PDLIM5: variants seen among roughly 807,000 people sequenced by gnomAD.
PDLIM5 encodes PDZ and LIM domain protein 5.
PDLIM5 carries 34 observed loss-of-function variants against 64.2 expected under a neutral mutation model. The observed-to-expected ratio is 0.53, with a 90% confidence interval of 0.40 to 0.71. The LOEUF is 0.71. PDLIM5 is among the 30% of genes least tolerant of loss of function. The pLI is 0.00. For missense variants in PDLIM5, 683 were observed against 733.6 expected, an observed-to-expected ratio of 0.93 and a Z score of 0.80; for synonymous variants, 253 against 269.1, an observed-to-expected ratio of 0.94 and a Z score of 0.59.
intron 8 of PDLIM5, among the ~76,000 whole-genome samples, chr4:94,622,281 TTTAAA>T (rs1264273418): frequency 9.9e-5 from 15 of 152,200 alleles, no homozygotes; most frequent in Admixed American, 9.8e-4. Context: ...TGCGTTCCTG[TTTAAA>T]TTATGGATAG....
Position 94,648,281 on chromosome 4 carries a change from G to T in PDLIM5, c.1284-6179G>T, listed in dbSNP as rs142852393. ...AAACTACCAAGAAAAAAAAAAAGAAGACTCAAATTACTAAAAATGACACTA... is the reference window on the plus strand; with the variant it reads ...AAACTACCAAGAAAAAAAAAAAGAATACTCAAATTACTAAAAATGACACTA... On this transcript the variant is annotated intron_variant, in intron 9 of 12. Transcript: ENST00000317968. Among the ~76,000 whole-genome samples, 742 of 151,750 alleles carry T rather than the reference G, an allele frequency of 4.9e-3. 7 individuals are homozygous for T. Among genetic ancestry groups the T allele is most frequent in the African/African-American group, 0.017 (702 of 41,356 alleles).
chr4:94,612,491 T>C (rs1244862904), intron 7 of PDLIM5, among the ~76,000 whole-genome samples: 1 of 152,270 alleles, frequency 6.6e-6, no homozygotes, highest in African/African-American at 2.4e-5. Context: ...ACCACACTTT[T>C]AGGACCCGGT....
At chr4:94,653,578 G>C (rs761647817) in intron 9 of PDLIM5, among the ~76,000 whole-genome samples, 5 of 151,976 alleles carry the variant, frequency 3.3e-5, no homozygotes, top group Non-Finnish European at 5.9e-5. Context: ...TTGTTACCTT[G>C]ATACAAATGT....
chr4:94,586,543 C>A, intron 7 of PDLIM5, 99 bp downstream of exon 7: 1 of 691,586 alleles, frequency 1.4e-6, no homozygotes, highest in Non-Finnish European at 2.5e-6. Context: ...GGCATTTCGT[C>A]TTTGCAGCTA....
chr4:94,586,521 G>A (rs1736217334), intron 7 of PDLIM5, 77 bp downstream of exon 7: 1 of 824,268 alleles, frequency 1.2e-6, no homozygotes, highest in Non-Finnish European at 2.0e-6. Flanking sequence ...AAATTGTCAA[G>A]TATAATGGTA....
At chr4:94,612,897 A>AT (rs1204315387) in intron 7 of PDLIM5, among the ~76,000 whole-genome samples, 3 of 150,914 alleles carry the variant, frequency 2.0e-5, no homozygotes, top group Non-Finnish European at 4.4e-5. Flanking sequence ...GTTTTTATTT[A>AT]TTTTTTTCCA....
chr4:94,589,831 A>G (rs1349229460), intron 7 of PDLIM5, among the ~76,000 whole-genome samples: 1 of 150,138 alleles, frequency 6.7e-6, no homozygotes, highest in Non-Finnish European at 1.5e-5. Flanking sequence ...CTGGAGTGCG[A>G]TGGTGCGGTA....
Position 94,664,078 on chromosome 4 carries a change from T to C in PDLIM5, c.*11T>C, listed in dbSNP as rs1479398151. On this transcript the variant is annotated 3_prime_UTR_variant, in exon 13 of 13. Coordinates refer to ENST00000317968, the MANE Select transcript of PDLIM5 (RefSeq NM_006457.5). ...TCTGTGAATTTTTGAAAGTCAACAG[T>C]TCAGGAGAAGAGAAGGAATTTGAAG... 1 of 1,566,894 alleles carries C rather than the reference T, an allele frequency of 6.4e-7. No homozygotes were observed. The highest frequency in any genetic ancestry group is 8.7e-7 in the Non-Finnish European group (1 of 1,150,348).
chr4:94,502,106 C>T (rs1727981936), intron 2 of PDLIM5, among the ~76,000 whole-genome samples: 1 of 151,692 alleles, frequency 6.6e-6, no homozygotes, highest in Non-Finnish European at 1.5e-5. Flanking sequence ...TTTCTCTCTT[C>T]CTTTTTGGTC....
intron 3 of PDLIM5, among the ~76,000 whole-genome samples, chr4:94,558,803 A>G (rs1236796582): frequency 6.6e-6 from 1 of 151,700 alleles, no homozygotes. Context: ...AACTGTCATG[A>G]TCTCTTTTGT....
chr4:94,573,928 T>C (rs1169326780), intron 4 of PDLIM5, among the ~76,000 whole-genome samples: 2 of 152,190 alleles, frequency 1.3e-5, no homozygotes, highest in Non-Finnish European at 2.9e-5. Context: ...AACTACTTAT[T>C]ATACAGATTG....
intron 10 of PDLIM5, 76 bp from the exon 11 acceptor site, chr4:94,657,351 G>A (rs1016929975): frequency 1.1e-4 from 120 of 1,063,956 alleles, no homozygotes; most frequent in Non-Finnish European, 1.6e-4. Flanking sequence ...GGATTTACTG[G>A]TACAGATATT....
intron 7 of PDLIM5, among the ~76,000 whole-genome samples, chr4:94,598,233 G>A (rs940639637): frequency 2.0e-5 from 3 of 152,104 alleles, no homozygotes; most frequent in African/African-American, 7.2e-5. Flanking sequence ...TATCAAAGGA[G>A]AAGTGGGAAT....
chr4:94,488,865 TA>T (rs963714259), intron 2 of PDLIM5, among the ~76,000 whole-genome samples: 19 of 152,234 alleles, frequency 1.2e-4, no homozygotes, highest in Non-Finnish European at 1.5e-5. Flanking sequence ...CAATCTTTAC[TA>T]AAGCAAATGC....
At chr4:94,506,759 T>C (rs1453320304) in intron 2 of PDLIM5, among the ~76,000 whole-genome samples, 1 of 152,198 alleles carries the variant, frequency 6.6e-6, no homozygotes, top group Non-Finnish European at 1.5e-5. Context: ...AAAGCATTGT[T>C]TCTGCATATG....
chr4:94,476,761 A>C (rs1010764864), intron 2 of PDLIM5, among the ~76,000 whole-genome samples: 3 of 152,098 alleles, frequency 2.0e-5, no homozygotes, highest in Admixed American at 2.0e-4. Context: ...GAGAGTTTGG[A>C]CTCTGGAGCC....
rs1291299453 is a variant in PDLIM5, at chr4:94,666,013, CTT to C, written c.*1948_*1949del. On this transcript the variant is annotated 3_prime_UTR_variant, in exon 13 of 13. Coordinates refer to ENST00000317968, the MANE Select transcript of PDLIM5 (RefSeq NM_006457.5). ...TTCTGGTATTTGATTTGGTTTTTCTCTTTGTTTCCAGAATGGATGAAAGTCCA... is the reference window on the plus strand; with the variant it reads ...TTCTGGTATTTGATTTGGTTTTTCTCTGTTTCCAGAATGGATGAAAGTCCA... 1 of 1,533,816 alleles carries C rather than the reference CTT, an allele frequency of 6.5e-7. No homozygotes were observed. Among genetic ancestry groups the C allele is most frequent in the Non-Finnish European group, 8.7e-7 (1 of 1,145,744 alleles).
At chr4:94,525,449 A>G (rs1250890302) in intron 3 of PDLIM5, among the ~76,000 whole-genome samples, 1 of 151,168 alleles carries the variant, frequency 6.6e-6, no homozygotes. Flanking sequence ...AAAAAAAAAG[A>G]GGGAAATAAA....
intron 3 of PDLIM5, among the ~76,000 whole-genome samples, chr4:94,531,939 G>T (rs562768524): frequency 5.9e-5 from 9 of 151,958 alleles, no homozygotes; most frequent in South Asian, 2.1e-4. Flanking sequence ...AAGGAAAAAG[G>T]GGGGGAAAGC....
Sources: gnomAD v4.1 joint callset for allele counts (sites outside exome capture counted in the v4.1 genomes callset) on GRCh38, gnomAD v4.1.1 for gene constraint, MANE v1.5 for transcripts, NCBI Gene and HGNC (gene_info 2026-07-23, HGNC 2026-07-21) for gene names.